TRIM10: variants seen among roughly 807,000 people sequenced by gnomAD.
The protein encoded by TRIM10 is tripartite motif containing 10, also known as tripartite motif-containing protein 10.
In TRIM10, 42 loss-of-function variants were observed where a neutral mutation model predicts 40.0. That is an observed-to-expected ratio of 1.05 (90% CI 0.82 to 1.36). TRIM10 has a LOEUF of 1.36. Ranked by LOEUF, TRIM10 falls within the 40% of genes most tolerant of loss-of-function variation. The pLI is 0.00. For synonymous variants in TRIM10, 260 were observed against 239.5 expected, an observed-to-expected ratio of 1.09 and a Z score of -0.79; for missense variants, 601 against 608.3, an observed-to-expected ratio of 0.99 and a Z score of 0.13.
At chr6:30,162,305 G>A (rs1398203918), upstream of TRIM10, among the ~76,000 whole-genome samples, 5 of 150,946 alleles carry the variant, frequency 3.3e-5, no homozygotes, top group Non-Finnish European at 5.9e-5. Flanking sequence ...AGAAAAAAGA[G>A]AAAAAGAAAA....
upstream of TRIM10, among the ~76,000 whole-genome samples, chr6:30,162,955 TAA>T (rs1773246646): frequency 6.6e-6 from 1 of 150,622 alleles, no homozygotes; most frequent in South Asian, 2.1e-4. Context: ...AATAAATAAA[TAA>T]ATAAATAAAT....
Position 30,159,254 on chromosome 6 carries a change from A to G in TRIM10, c.430-9T>C, listed in dbSNP as rs751116826. ...CACTTATGGATTTGTTCCTGGGGAG[A>G]AGGAACATAAAATACTCAAGATGGA... On this transcript the variant is annotated splice_polypyrimidine_tract_variant and intron_variant, in intron 1 of 6. Transcript: ENST00000449742. The G allele has an allele frequency of 4.6e-5, 72 of 1,552,242 alleles. No individual in the cohort carries two copies. The highest frequency in any genetic ancestry group is 5.8e-5 in the Non-Finnish European group (65 of 1,125,192).
chr6:30,157,828 C>T (rs1019017884), intron 3 of TRIM10, among the ~76,000 whole-genome samples: 6 of 152,098 alleles, frequency 3.9e-5, no homozygotes, highest in Non-Finnish European at 7.3e-5. Flanking sequence ...CTCTGTGGAT[C>T]AGAGCCCAAA....
In TRIM10 at chr6:30,155,766, A is replaced by C; in HGVS notation, c.896-7T>G. On this transcript the variant is annotated splice_region_variant and splice_polypyrimidine_tract_variant and intron_variant, in intron 5 of 6. Coordinates refer to ENST00000449742, the MANE Select transcript of TRIM10 (RefSeq NM_006778.4). ...AACTCAAAGCATAGTTTTTCTGTAA[A>C]GAAAATAAACCAGGATGAGATTTTA... is the stretch of plus-strand genomic sequence containing the variant. 6.2e-7 allele frequency: 1 copy of C among 1,612,942 alleles called. No individual in the cohort carries two copies. Among genetic ancestry groups the C allele is most frequent in the Non-Finnish European group, 8.5e-7 (1 of 1,179,772 alleles).
Position 30,157,743 on chromosome 6 carries a change from C to A in TRIM10, c.757-352G>T, listed in dbSNP as rs9501316. Among the ~76,000 whole-genome samples, 129 of 129,756 alleles carry A rather than the reference C, an allele frequency of 9.9e-4. 1 individual carries two copies. Among genetic ancestry groups the A allele is most frequent in the African/African-American group, 3.6e-3 (122 of 33,992 alleles). 85.1% of individuals were successfully genotyped at this position (129,756 alleles called of 152,430 possible). On this transcript the variant is annotated intron_variant, in intron 3 of 6. Transcript: ENST00000449742. ...CCACTTTTCTTATGACTGGAAAAGA[C>A]AAAATATATTTCTAGCCCTGGACAG...
chr6:30,154,462 G>A lies in TRIM10; in HGVS notation c.953C>T (p.Thr318Ile), dbSNP rs752875707. 6.2e-7 allele frequency: 1 copy of A among 1,612,188 alleles called. No individual in the cohort carries two copies. The highest frequency in any genetic ancestry group is 1.1e-5 in the South Asian group (1 of 91,080). Residue 318 changes from threonine (T) to isoleucine (I), a missense_variant, in exon 7 of 7, where the codon ACT (threonine) becomes ATT (isoleucine). Transcript: ENST00000449742. ...EPAHISLDPQTSHPKLLLSED... is the reference protein window; with the variant it reads ...EPAHISLDPQISHPKLLLSED... Reference sequence around the variant, plus strand: ...GGACAAGAGGAGCTTGGGGTGGGAAGTCTGAGGGTCTAGAGAAATGTGAGC... The same window carrying A: ...GGACAAGAGGAGCTTGGGGTGGGAAATCTGAGGGTCTAGAGAAATGTGAGC...
chr6:30,156,757 T>G (rs749514312), intron 5 of TRIM10, 182 bp downstream of exon 5: 2 of 698,950 alleles, frequency 2.9e-6, no homozygotes, highest in Non-Finnish European at 5.2e-6. Flanking sequence ...TTTATTCTCT[T>G]TCTTCATTGT....
chr6:30,158,457 C>T lies in TRIM10; in HGVS notation c.698G>A (p.Ser233Asn), dbSNP rs1772769498. ...CTCCTCCAGTTCTTCAATAAGAGCA[C>T]TAAACCGGCAGATCTCCCCAGCAAC... The part of the protein sequence containing the change: ...LLVAGEICRF[S>N]ALIEELEEKN... The change falls in exon 3 of 7, where the codon AGT (serine) becomes AAT (asparagine). Residue 233 changes from serine to asparagine, a missense_variant. Ser to Asn is a conservative substitution (Grantham distance 46). Transcript: ENST00000449742. 5.0e-6 allele frequency: 8 copies of T among 1,613,118 alleles called. No individual in the cohort carries two copies. Among genetic ancestry groups the T allele is most frequent in the Non-Finnish European group, 5.9e-6 (7 of 1,180,032 alleles).
intron 3 of TRIM10, 150 bp downstream of exon 3, chr6:30,158,249 T>C (rs187470506): frequency 1.9e-5 from 13 of 702,306 alleles, no homozygotes; most frequent in Non-Finnish European, 2.4e-5. Flanking sequence ...TGGAAAAGCA[T>C]GAACTAGAAT....
Position 30,153,942 on chromosome 6 carries a change from T to C in TRIM10, c.*27A>G. 1.3e-6 allele frequency: 2 copies of C among 1,581,592 alleles called. No individual in the cohort carries two copies. Among genetic ancestry groups the C allele is most frequent in the Non-Finnish European group, 1.7e-6 (2 of 1,160,910 alleles). On this transcript the variant is annotated 3_prime_UTR_variant, in exon 7 of 7. Coordinates refer to ENST00000449742, the MANE Select transcript of TRIM10 (RefSeq NM_006778.4). Reference sequence around the variant, plus strand: ...CTTGGGTTGATATGAGTCCTGTACTTAGAGGAGAGTAGGTAACTGCTCCTT... The same window carrying C: ...CTTGGGTTGATATGAGTCCTGTACTCAGAGGAGAGTAGGTAACTGCTCCTT...
rs768087823 is a variant in TRIM10 at position 30,153,609 on chromosome 6, G to A, written c.*360C>T. 1.3e-4 allele frequency: 146 copies of A among 1,165,408 alleles called. No individual in the cohort carries two copies. Among genetic ancestry groups the A allele is most frequent in the Non-Finnish European group, 1.7e-4 (132 of 795,924 alleles). 72.2% of individuals were successfully genotyped at this position (1,165,408 alleles called of 1,614,324 possible). ...AAAACAAGATGAAAAGAGGTGAGAT[G>A]CCTTGTTTAAAGTCATACAACTGGT... On this transcript the variant is annotated 3_prime_UTR_variant, in exon 7 of 7. Transcript: ENST00000449742.
Position 30,161,138 on chromosome 6 carries a change from A to G in TRIM10, c.-280T>C, listed in dbSNP as rs1006881656. 2.0e-4 allele frequency among the ~76,000 whole-genome samples: 30 copies of G among 152,316 alleles called. No individual in the cohort carries two copies. The highest frequency in any genetic ancestry group is 5.8e-4 in the African/African-American group (24 of 41,558). On this transcript the variant is annotated 5_prime_UTR_variant, in exon 1 of 7. It removes an upstream start codon present in the reference 5' UTR. Coordinates refer to ENST00000449742, the MANE Select transcript of TRIM10 (RefSeq NM_006778.4). ...AGATGACCATAACCAGGGGCTGGCCATTCCTTTCTGCCCATCCAGAGACAC... is the reference window on the plus strand; with the variant it reads ...AGATGACCATAACCAGGGGCTGGCCGTTCCTTTCTGCCCATCCAGAGACAC...
chr6:30,162,275 CAAA>C (rs112405006), upstream of TRIM10, among the ~76,000 whole-genome samples: 10 of 65,272 alleles, frequency 1.5e-4, no homozygotes, highest in African/African-American at 4.7e-4. Context: ...GACTCCATTT[CAAA>C]AAAAAAAAAA....
intron 3 of TRIM10, among the ~76,000 whole-genome samples, chr6:30,158,048 G>A (rs568105876): frequency 6.6e-6 from 1 of 152,256 alleles, no homozygotes; most frequent in South Asian, 2.1e-4. Context: ...CTGGTGGTTG[G>A]TGACATTTAG....
In TRIM10 at chr6:30,153,824, C is replaced by G; in HGVS notation, c.*145G>C. The G allele has an allele frequency of 6.2e-7, 1 of 1,611,402 alleles. No individual in the cohort carries two copies. Among genetic ancestry groups the G allele is most frequent in the South Asian group, 1.1e-5 (1 of 91,034 alleles). On this transcript the variant is annotated 3_prime_UTR_variant, in exon 7 of 7. Transcript: ENST00000449742. Reference sequence around the variant, plus strand: ...GTAGATTGAGAGTCCTCTCTTCTATCCCTTACCACCCGGCCCCATCCCATC... The same window carrying G: ...GTAGATTGAGAGTCCTCTCTTCTATGCCTTACCACCCGGCCCCATCCCATC...
chr6:30,157,812 A>G (rs1282705615), intron 3 of TRIM10, among the ~76,000 whole-genome samples: 1 of 152,008 alleles, frequency 6.6e-6, no homozygotes, highest in Non-Finnish European at 1.5e-5. Flanking sequence ...ATTAGGACTC[A>G]CCCATCTCTG....
chr6:30,163,636 T>A, upstream of TRIM10: 5 of 1,534,324 alleles, frequency 3.3e-6, no homozygotes, highest in Non-Finnish European at 4.4e-6. Context: ...GAAAGGGAAC[T>A]CGCGTGGGCT....
At chr6:30,163,750 G>A (rs11961941), upstream of TRIM10, 1 of 1,612,898 alleles carries the variant, frequency 6.2e-7, no homozygotes, top group African/African-American at 1.3e-5. Flanking sequence ...GTGCGGGGCC[G>A]CTGGAGGATG....
At chr6:30,155,847 G>A in intron 5 of TRIM10, 88 bp from the exon 6 acceptor site, 2 of 1,287,234 alleles carry the variant, frequency 1.6e-6, no homozygotes, top group East Asian at 2.4e-5. Context: ...GCCAAGAAGA[G>A]GGAAGGGACA....
Sources: gnomAD v4.1 joint callset for allele counts (sites outside exome capture counted in the v4.1 genomes callset) on GRCh38, gnomAD v4.1.1 for gene constraint, MANE v1.5 for transcripts, NCBI Gene and HGNC (gene_info 2026-07-23, HGNC 2026-07-21) for gene names.